Variants in GRID2 observed in about 807,000 individuals in gnomAD.
The protein encoded by GRID2 is glutamate ionotropic receptor delta type subunit 2.
A neutral mutation model predicts 114.8 loss-of-function variants in GRID2; 33 were observed. The ratio of observed to expected loss-of-function variants is 0.29; its 90% CI spans 0.22 to 0.38. The LOEUF is 0.38. GRID2 is among the 10% of genes least tolerant of loss of function. The pLI is 1.00. For synonymous variants in GRID2, 505 were observed against 449.9 expected, an observed-to-expected ratio of 1.12 and a Z score of -1.55; for missense variants, 1,184 against 1,257.7, an observed-to-expected ratio of 0.94 and a Z score of 0.89.
At chr4:92,429,711 C>G (rs1159434619) in intron 1 of GRID2, among the ~76,000 whole-genome samples, 2 of 152,018 alleles carry the variant, frequency 1.3e-5, no homozygotes, top group Admixed American at 1.3e-4. Context: ...GTAATTTAGT[C>G]CCCAGCAGAA....
At chr4:92,635,664 C>CA (rs1416963580) in intron 2 of GRID2, among the ~76,000 whole-genome samples, 1 of 151,876 alleles carries the variant, frequency 6.6e-6, no homozygotes, top group African/African-American at 2.4e-5. Context: ...AAAATCCTTA[C>CA]AAAAATATAT....
At chr4:92,632,621 G>C (rs943059605) in intron 2 of GRID2, among the ~76,000 whole-genome samples, 6 of 151,718 alleles carry the variant, frequency 4.0e-5, no homozygotes, top group Admixed American at 1.3e-4. Flanking sequence ...CACGGAGCGA[G>C]ATTCTGTCTC....
chr4:93,102,616 G>A (rs77774826), intron 3 of GRID2, among the ~76,000 whole-genome samples: 1 of 151,974 alleles, frequency 6.6e-6, no homozygotes, highest in East Asian at 2.0e-4. Context: ...TGACCATCCA[G>A]CAATGCAACC....
At chr4:92,472,557 A>C (rs1722097982) in intron 1 of GRID2, among the ~76,000 whole-genome samples, 1 of 152,152 alleles carries the variant, frequency 6.6e-6, no homozygotes, top group Non-Finnish European at 1.5e-5. Context: ...AATGTATAAG[A>C]GTTTCAGTTG....
rs146148978 is a variant in GRID2, at chr4:93,788,800, C to G, written c.222-17915C>G. The stretch of plus-strand genomic sequence containing the variant: ...TTATTGCAGCACTTCATCAATATCA[C>G]TGCACCTACATGAAGTGTACCACAT... On this transcript the variant is annotated intron_variant, in intron 1 of 1. Transcript: ENST00000637838. Among the ~76,000 whole-genome samples, 539 of 152,314 alleles carry G rather than the reference C, an allele frequency of 3.5e-3. 3 individuals are homozygous for G. The highest frequency in any genetic ancestry group is 0.012 in the African/African-American group (516 of 41,574).
At chr4:92,505,051 C>G (rs185092967) in intron 1 of GRID2, among the ~76,000 whole-genome samples, 1 of 151,808 alleles carries the variant, frequency 6.6e-6, no homozygotes, top group Non-Finnish European at 1.5e-5. Context: ...TAAGATGGTG[C>G]GAAGATGGCA....
intron 2 of GRID2, among the ~76,000 whole-genome samples, chr4:92,635,494 T>G (rs1731025194): frequency 6.6e-6 from 1 of 152,110 alleles, no homozygotes; most frequent in African/African-American, 2.4e-5. Context: ...CGGAAAGTTT[T>G]TTTTTCCTTA....
chr4:93,181,030 T>C (rs1411891488), intron 4 of GRID2, among the ~76,000 whole-genome samples: 3 of 152,284 alleles, frequency 2.0e-5, no homozygotes, highest in Middle Eastern at 6.8e-3. Flanking sequence ...AAGTTTTCAA[T>C]TTACTCTGCC....
chr4:92,318,677 T>C (rs1355018115), intron 1 of GRID2, among the ~76,000 whole-genome samples: 2 of 151,798 alleles, frequency 1.3e-5, no homozygotes. Flanking sequence ...TTTTCTCATG[T>C]TGCCCAAGCT....
At chr4:93,300,567 C>G (rs754343446) in intron 8 of GRID2, among the ~76,000 whole-genome samples, 1 of 152,034 alleles carries the variant, frequency 6.6e-6, no homozygotes, top group Non-Finnish European at 1.5e-5. Context: ...ATAGTGAAGG[C>G]AAATATATCT....
At chr4:93,562,647 T>C (rs1735036366) in intron 13 of GRID2, among the ~76,000 whole-genome samples, 1 of 152,076 alleles carries the variant, frequency 6.6e-6, no homozygotes, top group South Asian at 2.1e-4. Context: ...TGTCATCTTC[T>C]AGGACTTTTA....
At chr4:93,732,961 G>C (rs1423312828) in intron 14 of GRID2, among the ~76,000 whole-genome samples, 1 of 151,468 alleles carries the variant, frequency 6.6e-6, no homozygotes, top group Non-Finnish European at 1.5e-5. Flanking sequence ...TAATAAAAGA[G>C]AAAGATTATT....
At chr4:92,543,755 A>T (rs1040262566) in intron 1 of GRID2, among the ~76,000 whole-genome samples, 1 of 152,188 alleles carries the variant, frequency 6.6e-6, no homozygotes, top group Non-Finnish European at 1.5e-5. Context: ...GGTACATGAG[A>T]TAGATGGAAT....
chr4:93,162,929 T>A (rs999926445), intron 4 of GRID2, among the ~76,000 whole-genome samples: 3 of 151,966 alleles, frequency 2.0e-5, no homozygotes, highest in African/African-American at 7.2e-5. Flanking sequence ...TCATTCATGC[T>A]GGCCCACACA....
chr4:92,625,417 A>G (rs1189766636), intron 2 of GRID2, among the ~76,000 whole-genome samples: 2 of 151,796 alleles, frequency 1.3e-5, no homozygotes, highest in Non-Finnish European at 2.9e-5. Context: ...GATCAAGTAG[A>G]TAATTAGAGG....
intron 14 of GRID2, among the ~76,000 whole-genome samples, chr4:93,703,038 T>G (rs1727646010): frequency 6.6e-6 from 1 of 152,112 alleles, no homozygotes; most frequent in Non-Finnish European, 1.5e-5. Context: ...GCTATACATT[T>G]TCACTCTTAC....
chr4:92,336,395 T>C (rs1727165430), intron 1 of GRID2, among the ~76,000 whole-genome samples: 1 of 152,154 alleles, frequency 6.6e-6, no homozygotes. Context: ...TTCTGCTTCC[T>C]AAATATCTCA....
At chr4:92,522,578 G>T (rs531133455) in intron 1 of GRID2, among the ~76,000 whole-genome samples, 75 of 152,058 alleles carry the variant, frequency 4.9e-4, no homozygotes, top group African/African-American at 1.7e-3. Context: ...ATCATCTCTA[G>T]CTGATAGTTG....
At chr4:93,617,619 T>C (rs1228279688) in intron 13 of GRID2, among the ~76,000 whole-genome samples, 1 of 152,186 alleles carries the variant, frequency 6.6e-6, no homozygotes, top group African/African-American at 2.4e-5. Context: ...CTGGCATTGG[T>C]ATTATAATCA....
Sources: gnomAD v4.1 joint callset for allele counts (sites outside exome capture counted in the v4.1 genomes callset) on GRCh38, gnomAD v4.1.1 for gene constraint, MANE v1.5 for transcripts, NCBI Gene and HGNC (gene_info 2026-07-23, HGNC 2026-07-21) for gene names.